The following TIAM2 variants were observed in gnomAD, a reference collection of about 807,000 sequenced individuals.
TIAM2 encodes rho guanine nucleotide exchange factor TIAM2.
TIAM2 carries 80 observed loss-of-function variants against 152.9 expected under a neutral mutation model. The observed-to-expected ratio is 0.52, with a 90% CI of 0.44 to 0.63. The LOEUF is 0.63. TIAM2 is among the 30% of genes least tolerant of loss of function. The pLI is 0.00. For synonymous variants in TIAM2, 804 were observed against 838.0 expected (o/e 0.96, Z 0.70); for missense variants, 1,965 against 2,120.1 (o/e 0.93, Z 1.44).
intron 15 of TIAM2, among the ~76,000 whole-genome samples, chr6:155,225,746 T>C (rs939554231): frequency 5.3e-5 from 8 of 151,552 alleles, no homozygotes; most frequent in African/African-American, 1.9e-4. Flanking sequence ...GTGTAGATTA[T>C]AGAGTGGTAA....
chr6:155,111,754 G>T (rs572360820), intron 2 of TIAM2, among the ~76,000 whole-genome samples: 5 of 152,060 alleles, frequency 3.3e-5, no homozygotes, highest in Non-Finnish European at 4.4e-5. Flanking sequence ...TTCTCATTGC[G>T]TGCTGGAATT....
chr6:155,110,659 GT>G (rs1778817855), intron 2 of TIAM2, among the ~76,000 whole-genome samples: 1 of 152,140 alleles, frequency 6.6e-6, no homozygotes, highest in Non-Finnish European at 1.5e-5. Context: ...GACTGTTTAG[GT>G]TTTGTTACTT....
intron 1 of TIAM2, among the ~76,000 whole-genome samples, chr6:155,052,047 A>T (rs556874216): frequency 2.6e-5 from 4 of 152,246 alleles, no homozygotes; most frequent in South Asian, 4.1e-4. Context: ...TTCAATTTAG[A>T]GGTAGCTTCC....
intron 1 of TIAM2, among the ~76,000 whole-genome samples, chr6:155,077,499 G>A (rs985123072): frequency 1.3e-5 from 2 of 152,108 alleles, no homozygotes; most frequent in Admixed American, 1.3e-4. Flanking sequence ...GTATTTGTTA[G>A]TAACGGACAT....
At chr6:155,161,209 G>A (rs1468448704) in intron 7 of TIAM2, among the ~76,000 whole-genome samples, 7 of 128,132 alleles carry the variant, frequency 5.5e-5, no homozygotes, top group African/African-American at 1.6e-4. Flanking sequence ...CCGGGGTATC[G>A]GGTCTCACTC....
At chr6:155,101,826 C>T (rs571573048) in intron 2 of TIAM2, among the ~76,000 whole-genome samples, 12 of 152,166 alleles carry the variant, frequency 7.9e-5, no homozygotes, top group South Asian at 6.2e-4. Flanking sequence ...CTCAGCCTCC[C>T]GAGTAGCTGA....
intron 1 of TIAM2, among the ~76,000 whole-genome samples, chr6:155,083,367 AAGAG>A (rs796368340): frequency 2.1e-4 from 25 of 119,230 alleles, no homozygotes; most frequent in Admixed American, 9.7e-4. Flanking sequence ...AAAAAAAAAA[AAGAG>A]AGAGAGAGAG....
chr6:155,046,331 C>G (rs996853646), intron 1 of TIAM2, among the ~76,000 whole-genome samples: 3 of 80,786 alleles, frequency 3.7e-5, no homozygotes, highest in Admixed American at 1.6e-4. Context: ...TTGGCTCTGT[C>G]TTTTTTTTTT....
intron 1 of TIAM2, among the ~76,000 whole-genome samples, chr6:155,073,976 G>A (rs1050528061): frequency 6.6e-6 from 1 of 152,122 alleles, no homozygotes; most frequent in African/African-American, 2.4e-5. Context: ...GAGACGTAAG[G>A]GTGCCTGCCC....
intron 1 of TIAM2, among the ~76,000 whole-genome samples, chr6:155,027,365 A>G: frequency 7.4e-6 from 1 of 134,272 alleles, no homozygotes; most frequent in South Asian, 2.3e-4. Context: ...CATATATACT[A>G]TATATAATAT....
At chr6:155,019,153 C>T (rs1266373453) in intron 1 of TIAM2, among the ~76,000 whole-genome samples, 3 of 151,230 alleles carry the variant, frequency 2.0e-5, no homozygotes, top group Non-Finnish European at 2.9e-5. Context: ...CTGGCCAATG[C>T]GGTGAAACCC....
rs1470688957 is a variant in TIAM2, at chr6:155,114,036, ATTTTTTTTTTTTTCTTTTTTTTT to A, written c.-117-13441_-117-13419del. 2.2e-3 allele frequency among the ~76,000 whole-genome samples: 76 copies of A among 34,904 alleles called. 1 individual carries two copies. The highest frequency in any genetic ancestry group is 8.3e-3 in the African/African-American group (74 of 8,912). The allele number at this position is 34,904 out of a possible 152,430, so 22.9% of individuals were successfully genotyped here. ...ACTTTATATATATATATATATATATATTTTTTTTTTTTTCTTTTTTTTTTTTTTTTTTTTTGAAATGGAGTCTT... is the reference window on the plus strand; with the variant it reads ...ACTTTATATATATATATATATATATATTTTTTTTTTTTGAAATGGAGTCTT... On this transcript the variant is annotated intron_variant, in intron 2 of 26. Coordinates refer to ENST00000682666, the MANE Select transcript of TIAM2 (RefSeq NM_012454.4).
chr6:155,024,188 A>G lies in TIAM2; in HGVS notation c.-209+28696A>G, dbSNP rs368046413. ...ACAGCTTTATGATTCTGGGAAAAGTACTTACGGCCACGTTTCTTTGGTAAG... is the reference window on the plus strand; with the variant it reads ...ACAGCTTTATGATTCTGGGAAAAGTGCTTACGGCCACGTTTCTTTGGTAAG... On this transcript the variant is annotated intron_variant, in intron 1 of 26. Transcript: ENST00000682666. Among the ~76,000 whole-genome samples, 43 of 152,338 alleles carry G rather than the reference A, an allele frequency of 2.8e-4. No homozygotes were observed. The South Asian group carries it at 5.4e-3, about 19-fold the overall frequency.
intron 1 of TIAM2, among the ~76,000 whole-genome samples, chr6:155,087,486 C>T (rs2352156): frequency 0.21 from 32,579 of 152,052 alleles, 4,158 homozygotes; most frequent in East Asian, 0.43. Flanking sequence ...CAGTGGCTCA[C>T]GCCTGTAATT....
chr6:155,053,800 A>G (rs1044623588), intron 1 of TIAM2, among the ~76,000 whole-genome samples: 1 of 152,068 alleles, frequency 6.6e-6, no homozygotes, highest in Admixed American at 6.6e-5. Flanking sequence ...TATGATTTGT[A>G]ATCCATGTTT....
intron 14 of TIAM2, among the ~76,000 whole-genome samples, chr6:155,193,267 G>A (rs1321434218): frequency 6.6e-6 from 1 of 152,154 alleles, no homozygotes; most frequent in African/African-American, 2.4e-5. Context: ...AGCTGGGCAT[G>A]GTGGCTTGTG....
At chr6:155,241,520 T>C (rs1783034816) in intron 16 of TIAM2, among the ~76,000 whole-genome samples, 2 of 152,174 alleles carry the variant, frequency 1.3e-5, no homozygotes, top group African/African-American at 4.8e-5. Flanking sequence ...CTAAATGTCT[T>C]CCAACTCTGA....
At chr6:155,045,455 A>AT (rs55646447) in intron 1 of TIAM2, among the ~76,000 whole-genome samples, 79,885 of 151,582 alleles carry the variant, frequency 0.53, 21,120 homozygotes, top group African/African-American at 0.55. Context: ...ACTTATTAGA[A>AT]TTTTTTTTAA....
intron 1 of TIAM2, among the ~76,000 whole-genome samples, chr6:155,060,647 G>A (rs947189443): frequency 7.2e-5 from 11 of 152,020 alleles, no homozygotes; most frequent in South Asian, 2.1e-4. Flanking sequence ...TGTAATCCCC[G>A]TACTTTGGGA....
Sources: allele counts gnomAD v4.1 joint callset (sites outside exome capture counted in the v4.1 genomes callset), GRCh38; gene constraint gnomAD v4.1.1; transcripts MANE v1.5; gene names NCBI Gene and HGNC (gene_info 2026-07-23, HGNC 2026-07-21).